The following XRN1 variants were observed in gnomAD, a reference collection of about 807,000 sequenced individuals.
XRN1 encodes strand-exchange protein 1 homolog.
XRN1 carries 67 observed loss-of-function variants against 222.3 expected under a neutral mutation model. That is an observed-to-expected ratio of 0.30 (90% confidence interval 0.25 to 0.37). XRN1 has a LOEUF of 0.37. XRN1 is among the 10% of genes least tolerant of loss of function. The pLI, the probability that XRN1 is intolerant of heterozygous loss-of-function variation, is 1.00. For missense variants in XRN1, 1,707 were observed against 2,000.2 expected (o/e 0.85, Z 2.80); for synonymous variants, 643 against 652.4 (o/e 0.99, Z 0.22).
At chr3:142,330,545 CAG>C (rs2065664955) in intron 36 of XRN1, among the ~76,000 whole-genome samples, 1 of 150,588 alleles carries the variant, frequency 6.6e-6, no homozygotes, top group African/African-American at 2.4e-5. Flanking sequence ...AGTTCTATAA[CAG>C]GGGCTGGATT....
rs1194784142 is a variant in XRN1, at chr3:142,311,799, C to A, written c.4797G>T (p.Arg1599Ser). Residue 1599 changes from arginine (R) to serine (S), a missense_variant, in exon 41 of 41, where the codon AGG (arginine) becomes AGT (serine). Physicochemically the swap from Arg to Ser is moderately radical, Grantham distance 110. Coordinates refer to ENST00000392981, the MANE Select transcript of XRN1 (RefSeq NM_001282857.2). The stretch of plus-strand genomic sequence containing the variant: ...TCTCAAAGTTCTTTTTGTTTGCAAC[C>A]CTTTTTTTAGTAACCTGTTAGGAAT... ...QFIPLQVTKK[R>S]VANKKNFENK... The A allele has an allele frequency of 1.9e-6, 3 of 1,589,474 alleles. No homozygotes were observed. Among genetic ancestry groups the A allele is most frequent in the Non-Finnish European group, 2.6e-6 (3 of 1,169,616 alleles).
intron 33 of XRN1, among the ~76,000 whole-genome samples, chr3:142,340,827 A>T (rs925826944): frequency 5.3e-5 from 8 of 152,232 alleles, no homozygotes; most frequent in Non-Finnish European, 1.2e-4. Context: ...ATCTGACAAA[A>T]AATATCCTTC....
rs185249703 is a variant in XRN1, at chr3:142,371,235, T to C, written c.3068+4A>G. 1.9e-6 allele frequency: 3 copies of C among 1,610,950 alleles called. No homozygotes were observed. Among genetic ancestry groups the C allele is most frequent in the Middle Eastern group, 1.7e-4 (1 of 6,056 alleles). ...AGGTAATAAATATCATAAATCTTGC[T>C]TACCCATTCTCATTTTCTCCAGGCC... On this transcript the variant is annotated splice_donor_region_variant and intron_variant, in intron 26 of 40. Coordinates refer to ENST00000392981, the MANE Select transcript of XRN1 (RefSeq NM_001282857.2).
chr3:142,428,273 T>C (rs1293053194), intron 2 of XRN1, among the ~76,000 whole-genome samples: 1 of 151,112 alleles, frequency 6.6e-6, no homozygotes, highest in Non-Finnish European at 1.5e-5. Context: ...GTGCGGCCTG[T>C]AGTCCCAGCT....
chr3:142,360,698 A>G (rs1217627925), intron 29 of XRN1, among the ~76,000 whole-genome samples: 1 of 150,270 alleles, frequency 6.7e-6, no homozygotes, highest in Non-Finnish European at 1.5e-5. Flanking sequence ...CCCCGTCTCT[A>G]CTAAAAATAA....
chr3:142,370,722 C>CT (rs1200869873), intron 26 of XRN1, 102 bp from the exon 27 acceptor site: 2 of 973,512 alleles, frequency 2.1e-6, no homozygotes. Flanking sequence ...AGTCACTGAA[C>CT]TTAATCGGGA....
At chr3:142,391,565 C>T (rs2067711963) in intron 20 of XRN1, among the ~76,000 whole-genome samples, 1 of 151,708 alleles carries the variant, frequency 6.6e-6, no homozygotes, top group African/African-American at 2.4e-5. Flanking sequence ...CCCATCTCTA[C>T]AAAAAATTAA....
Position 142,380,131 on chromosome 3 carries a change from A to C in XRN1, c.2666T>G (p.Phe889Cys). ...AAGATTGGGTTCACATGGAATGCTG[A>C]AAATCACACGAATCCTACCTTCTGT... ...VITEGRIRVIFSIPCEPNLDA... is the reference protein window; with the variant it reads ...VITEGRIRVICSIPCEPNLDA... The change falls in exon 23 of 41, where the codon TTC becomes TGC. Residue 889 changes from phenylalanine to cysteine, a missense_variant. Around this residue, in one of 2 missense-constraint regions of XRN1, gnomAD observed 1,234 missense variants for 1,518.2 expected, o/e 0.81. Coordinates refer to ENST00000392981, the MANE Select transcript of XRN1 (RefSeq NM_001282857.2). The C allele has an allele frequency of 6.2e-7, 1 of 1,614,024 alleles. No individual in the cohort carries two copies. The highest frequency in any genetic ancestry group is 8.5e-7 in the Non-Finnish European group (1 of 1,179,950).
chr3:142,351,244 C>T (rs903568941), intron 32 of XRN1, among the ~76,000 whole-genome samples: 10 of 151,732 alleles, frequency 6.6e-5, no homozygotes, highest in African/African-American at 2.2e-4. Context: ...TTAAAGAGCC[C>T]GAGAGTTTAG....
rs117195821 is a variant in XRN1 at position 142,362,815 on chromosome 3, G to A, written c.3394+2232C>T. Among the ~76,000 whole-genome samples, 377 of 139,808 alleles carry A rather than the reference G, an allele frequency of 2.7e-3. 15 individuals carry two copies. The East Asian group carries it at 0.079, about 29-fold the overall frequency. The allele number at this position is 139,808 out of a possible 152,430, so 91.7% of individuals were successfully genotyped here. On this transcript the variant is annotated intron_variant, in intron 29 of 40. Transcript: ENST00000392981. ...TGACAGGGTCTCAGTCTGTCAACCA[G>A]GCAGGAGTGCAGTGGTGCAATCATG...
chr3:142,400,634 GT>G (rs150301222), intron 18 of XRN1, 87 bp from the exon 19 acceptor site: 2 of 1,032,502 alleles, frequency 1.9e-6, no homozygotes, highest in Non-Finnish European at 2.9e-6. Flanking sequence ...CTCCATTTAA[GT>G]TTTTTAAATT....
chr3:142,444,102 G>A (rs1364395226), intron 1 of XRN1, among the ~76,000 whole-genome samples: 1 of 152,212 alleles, frequency 6.6e-6, no homozygotes, highest in Admixed American at 6.5e-5. Flanking sequence ...CGGGGAGTCA[G>A]GGGAGAGGTG....
chr3:142,393,740 T>C (rs1333305900), intron 20 of XRN1, among the ~76,000 whole-genome samples: 1 of 152,218 alleles, frequency 6.6e-6, no homozygotes, highest in African/African-American at 2.4e-5. Context: ...CACTGTCTGA[T>C]AACTTCCTCT....
At chr3:142,425,624 A>G in intron 3 of XRN1, 86 bp from the exon 4 acceptor site, 1 of 1,130,514 alleles carries the variant, frequency 8.8e-7, no homozygotes, top group African/African-American at 1.6e-5. Context: ...GAATCTGAGT[A>G]CGCCGGGAAT....
At chr3:142,379,705 A>T (rs1293456523) in intron 23 of XRN1, among the ~76,000 whole-genome samples, 1 of 152,228 alleles carries the variant, frequency 6.6e-6, no homozygotes, top group Non-Finnish European at 1.5e-5. Flanking sequence ...AGATACATAC[A>T]GCCTTTGCAG....
chr3:142,313,185 A>C (rs984758476), intron 39 of XRN1: 12 of 1,612,248 alleles, frequency 7.4e-6, no homozygotes, highest in African/African-American at 1.3e-5. Context: ...CTACAAAAAA[A>C]CCAAAAAACC....
chr3:142,355,790 T>C (rs1268105051), intron 31 of XRN1, among the ~76,000 whole-genome samples: 1 of 151,806 alleles, frequency 6.6e-6, no homozygotes, highest in Non-Finnish European at 1.5e-5. Context: ...TTTTTTTTTC[T>C]TCTAGGGATG....
chr3:142,444,715 T>G (rs922172815), intron 1 of XRN1, among the ~76,000 whole-genome samples: 2 of 152,204 alleles, frequency 1.3e-5, no homozygotes, highest in Non-Finnish European at 2.9e-5. Flanking sequence ...GTAATTAGAT[T>G]TTAACACAAA....
intron 2 of XRN1, among the ~76,000 whole-genome samples, chr3:142,428,698 T>A (rs1006238250): frequency 6.6e-6 from 1 of 152,188 alleles, no homozygotes; most frequent in Non-Finnish European, 1.5e-5. Context: ...AGGTAGCTAG[T>A]GGCAGGTGTT....
Sources: allele counts gnomAD v4.1 joint callset (sites outside exome capture counted in the v4.1 genomes callset), GRCh38; gene constraint gnomAD v4.1.1; regional missense constraint gnomAD v4.1.1; transcripts MANE v1.5; gene names NCBI Gene and HGNC (gene_info 2026-07-23, HGNC 2026-07-21).